Variants in PITPNC1 observed in about 807,000 individuals in gnomAD.
PITPNC1 encodes the protein phosphatidylinositol transfer protein cytoplasmic 1.
Under a neutral mutation model 44.7 loss-of-function variants are expected in PITPNC1, and 18 were observed. That is an observed-to-expected ratio of 0.40 (90% CI 0.28 to 0.60). PITPNC1 has a LOEUF of 0.60. PITPNC1 is among the 20% of genes least tolerant of loss of function. The pLI, the probability that PITPNC1 is intolerant of heterozygous loss-of-function variation, is 0.39. For missense variants in PITPNC1, 290 were observed against 418.4 expected (o/e 0.69, Z 2.68); for synonymous variants, 141 against 149.6 (o/e 0.94, Z 0.42).
At position 67,406,784 on chromosome 17, in the gene PITPNC1, A is replaced by G. The variant is rs909331075; in HGVS notation, c.48+28582A>G. ...GTATTTTTAGTAGAGGCAGGGTTTCACCACGTTGGCAAGGTTGGTCTCAAG... is the reference window on the plus strand; with the variant it reads ...GTATTTTTAGTAGAGGCAGGGTTTCGCCACGTTGGCAAGGTTGGTCTCAAG... On this transcript the variant is annotated intron_variant, in intron 1 of 8. Transcript: ENST00000581322. Among the ~76,000 whole-genome samples, 7 of 151,868 alleles carry G rather than the reference A, an allele frequency of 4.6e-5. No individual in the cohort carries two copies. The East Asian group carries it at 9.7e-4, about 21-fold the overall frequency.
chr17:67,474,203 G>C (rs976501872), intron 1 of PITPNC1, among the ~76,000 whole-genome samples: 1 of 152,022 alleles, frequency 6.6e-6, no homozygotes, highest in Non-Finnish European at 1.5e-5. Flanking sequence ...CAAAAACAAG[G>C]GACACCCTGT....
At chr17:67,602,115 C>T (rs371822211) in intron 5 of PITPNC1, among the ~76,000 whole-genome samples, 2 of 152,108 alleles carry the variant, frequency 1.3e-5, no homozygotes, top group African/African-American at 2.4e-5. Flanking sequence ...ATAATTGTGG[C>T]GTTTTCCCAG....
intron 1 of PITPNC1, among the ~76,000 whole-genome samples, chr17:67,454,251 CAA>C (rs71293569): frequency 7.5e-6 from 1 of 132,836 alleles, no homozygotes; most frequent in Admixed American, 7.6e-5. Flanking sequence ...ACTCCGTTCT[CAA>C]AAAAAAAAAA....
chr17:67,514,765 G>C (rs2040236396), intron 1 of PITPNC1, among the ~76,000 whole-genome samples: 1 of 152,246 alleles, frequency 6.6e-6, no homozygotes, highest in East Asian at 1.9e-4. Flanking sequence ...AGTGGAGGTT[G>C]CAGTGAGTCG....
chr17:67,677,574 T>C (rs79660267), intron 8 of PITPNC1, among the ~76,000 whole-genome samples: 1 of 146,924 alleles, frequency 6.8e-6, no homozygotes, highest in Non-Finnish European at 1.5e-5. Flanking sequence ...AGGGACTTCT[T>C]TTTTTTTTTT....
chr17:67,556,126 C>T (rs1176946683), intron 4 of PITPNC1, among the ~76,000 whole-genome samples: 2 of 152,138 alleles, frequency 1.3e-5, no homozygotes, highest in African/African-American at 4.8e-5. Flanking sequence ...ATTCAGACCT[C>T]AGCAGAGGGC....
intron 1 of PITPNC1, among the ~76,000 whole-genome samples, chr17:67,426,791 C>G (rs533177195): frequency 1.3e-5 from 2 of 151,978 alleles, no homozygotes; most frequent in Non-Finnish European, 2.9e-5. Flanking sequence ...TATGTATCAT[C>G]ATGATTTTTT....
At chr17:67,468,768 C>A (rs1484529621) in intron 1 of PITPNC1, among the ~76,000 whole-genome samples, 1 of 94,284 alleles carries the variant, frequency 1.1e-5, no homozygotes, top group Non-Finnish European at 1.8e-5. Context: ...ACTATCTCGG[C>A]TCACTGCAAC....
intron 5 of PITPNC1, among the ~76,000 whole-genome samples, chr17:67,584,835 C>T (rs2041290218): frequency 6.6e-6 from 1 of 151,028 alleles, no homozygotes; most frequent in Non-Finnish European, 1.5e-5. Flanking sequence ...GCCCTCCAGG[C>T]CGGTTGCAGT....
intron 2 of PITPNC1, among the ~76,000 whole-genome samples, chr17:67,537,814 AC>A (rs1379255370): frequency 2.1e-5 from 1 of 47,890 alleles, no homozygotes; most frequent in Non-Finnish European, 4.6e-5. Context: ...TACTAAAAAT[AC>A]AAAAAAATTA....
At chr17:67,539,799 C>T (rs1197087891) in intron 2 of PITPNC1, among the ~76,000 whole-genome samples, 1 of 152,172 alleles carries the variant, frequency 6.6e-6, no homozygotes, top group Non-Finnish European at 1.5e-5. Context: ...GATCGCGCCA[C>T]TGCACTCGAG....
At chr17:67,541,527 C>G (rs1408425165) in intron 2 of PITPNC1, among the ~76,000 whole-genome samples, 1 of 151,996 alleles carries the variant, frequency 6.6e-6, no homozygotes, top group East Asian at 1.9e-4. Context: ...TATACAGCTG[C>G]AAAAATTATT....
At chr17:67,656,204 C>T (rs546657873) in intron 6 of PITPNC1, among the ~76,000 whole-genome samples, 1 of 152,298 alleles carries the variant, frequency 6.6e-6, no homozygotes, top group African/African-American at 2.4e-5. Context: ...CTGTCTGGAC[C>T]TCATCCCGAG....
chr17:67,568,589 T>G (rs2041011971), intron 4 of PITPNC1, among the ~76,000 whole-genome samples: 2 of 152,052 alleles, frequency 1.3e-5, no homozygotes, highest in Admixed American at 1.3e-4. Context: ...TGCAGTAGTG[T>G]GATCATAGCT....
At chr17:67,602,788 G>A (rs1462604644) in intron 5 of PITPNC1, among the ~76,000 whole-genome samples, 2 of 152,160 alleles carry the variant, frequency 1.3e-5, no homozygotes, top group African/African-American at 4.8e-5. Flanking sequence ...CCAGGTTAGA[G>A]TGCAGTGGTA....
At chr17:67,445,934 T>C (rs750287550) in intron 1 of PITPNC1, among the ~76,000 whole-genome samples, 3 of 151,590 alleles carry the variant, frequency 2.0e-5, no homozygotes, top group Non-Finnish European at 4.4e-5. Context: ...TATCTTTGGC[T>C]GTTTTTTTTG....
At chr17:67,502,704 T>G (rs2949942) in intron 1 of PITPNC1, among the ~76,000 whole-genome samples, 3 of 151,746 alleles carry the variant, frequency 2.0e-5, no homozygotes, top group Non-Finnish European at 4.4e-5. Flanking sequence ...TTTGGGTACT[T>G]GAGGAAGTTT....
chr17:67,626,819 GAA>G (rs35662161), intron 5 of PITPNC1, among the ~76,000 whole-genome samples: 2,802 of 118,038 alleles, frequency 0.024, 64 homozygotes, highest in African/African-American at 0.061. Flanking sequence ...TCAGACTCAT[GAA>G]AAAAAAAAAA....
rs141642931 is a variant in PITPNC1 at position 67,632,519 on chromosome 17, C to T, written c.462+281C>T. 1,155 of 363,364 alleles carry T rather than the reference C, an allele frequency of 3.2e-3. 34 individuals carry two copies. The Admixed American group carries it at 0.042, about 13-fold the overall frequency. The allele number at this position is 363,364 out of a possible 1,614,324, so 22.5% of individuals were successfully genotyped here. ...TCAGTATCCATAGGGCTGGACCATC[C>T]AACACACTGGCCTTGCTGAAAAACA... On this transcript the variant is annotated intron_variant, in intron 6 of 8. Coordinates refer to ENST00000581322, the MANE Select transcript of PITPNC1 (RefSeq NM_012417.4).
Sources: allele counts gnomAD v4.1 joint callset (sites outside exome capture counted in the v4.1 genomes callset), GRCh38; gene constraint gnomAD v4.1.1; transcripts MANE v1.5; gene names NCBI Gene and HGNC (gene_info 2026-07-23, HGNC 2026-07-21).